The following COG6 variants were observed in gnomAD, a reference collection of about 807,000 sequenced individuals.
COG6 encodes the protein component of oligomeric golgi complex 6, also known as conserved oligomeric Golgi complex subunit 6.
In COG6, 74 loss-of-function variants were observed where a neutral mutation model predicts 88.8. That is an observed-to-expected ratio of 0.83 (90% CI 0.69 to 1.01). The LOEUF (loss-of-function observed/expected upper bound fraction) is 1.01. Among genes scored for constraint, COG6 ranks in the 50% least tolerant of loss-of-function variants. COG6 has a pLI of 0.00. For synonymous variants in COG6, 286 were observed against 278.7 expected (o/e 1.03, Z -0.26); for missense variants, 800 against 797.9 (o/e 1.00, Z -0.03).
chr13:39,661,339 A>C (rs180996783), intron 3 of COG6, among the ~76,000 whole-genome samples: 6 of 152,346 alleles, frequency 3.9e-5, no homozygotes, highest in Admixed American at 3.3e-4. Context: ...GTTTGGTAGC[A>C]GAATCAGCAT....
At chr13:39,738,894 T>C (rs1265210835) in intron 18 of COG6, among the ~76,000 whole-genome samples, 1 of 152,102 alleles carries the variant, frequency 6.6e-6, no homozygotes, top group Admixed American at 6.5e-5. Context: ...AATATAAGCT[T>C]ACAGGATTGA....
chr13:39,655,706 G>GC lies in COG6; in HGVS notation c.-21_-20insC, dbSNP rs746938820. On this transcript the variant is annotated 5_prime_UTR_variant, in exon 1 of 19. Coordinates refer to ENST00000455146, the MANE Select transcript of COG6 (RefSeq NM_020751.3). ...TCCCTGCCTGGCTGAGGTGGCAGCAGGGGGCGGGACGCGCAGCGCTATGGC... is the reference window on the plus strand; with the variant it reads ...TCCCTGCCTGGCTGAGGTGGCAGCAGCGGGGCGGGACGCGCAGCGCTATGGC... The GC allele has an allele frequency of 2.4e-4, 361 of 1,486,174 alleles. 1 individual carries two copies. The East Asian group carries it at 6.2e-3, about 26-fold the overall frequency. 92.1% of individuals were successfully genotyped at this position (1,486,174 alleles called of 1,614,324 possible).
intron 17 of COG6, among the ~76,000 whole-genome samples, chr13:39,726,027 G>C (rs976613577): frequency 6.6e-6 from 1 of 151,712 alleles, no homozygotes; most frequent in African/African-American, 2.4e-5. Context: ...CATGTTCCTG[G>C]TGTTAATTTT....
chr13:39,727,613 T>C, intron 18 of COG6, 65 bp downstream of exon 18: 2 of 1,193,018 alleles, frequency 1.7e-6, no homozygotes, highest in Non-Finnish European at 2.5e-6. Context: ...AAGTACATTT[T>C]TTTGGAAAAA....
At chr13:39,706,254 T>TA (rs1277254793) in intron 13 of COG6, among the ~76,000 whole-genome samples, 1 of 29,058 alleles carries the variant, frequency 3.4e-5, no homozygotes, top group East Asian at 1.5e-3. Flanking sequence ...TATATACTCC[T>TA]TTATATATAT....
intron 18 of COG6, among the ~76,000 whole-genome samples, chr13:39,739,325 C>T (rs3000479): frequency 2.0e-4 from 31 of 151,934 alleles, no homozygotes; most frequent in African/African-American, 5.8e-4. Context: ...GTTTAGATTT[C>T]AAAAAAAAGC....
chr13:39,671,873 C>G (rs1025363420), intron 4 of COG6, among the ~76,000 whole-genome samples: 6 of 151,920 alleles, frequency 3.9e-5, no homozygotes, highest in Non-Finnish European at 7.4e-5. Context: ...TCTTTGTACT[C>G]CCACAACACA....
intron 7 of COG6, 25 bp from the exon 8 acceptor site, chr13:39,682,146 A>C: frequency 6.6e-7 from 1 of 1,520,550 alleles, no homozygotes; most frequent in East Asian, 2.3e-5. Context: ...ATTTAACAAA[A>C]GTTATAATGT....
intron 4 of COG6, among the ~76,000 whole-genome samples, chr13:39,675,283 G>A (rs1033445286): frequency 2.6e-5 from 4 of 152,140 alleles, no homozygotes; most frequent in South Asian, 2.1e-4. Context: ...TATCACACTC[G>A]TCTCTGGCAT....
intron 3 of COG6, among the ~76,000 whole-genome samples, chr13:39,661,706 A>G (rs1487121967): frequency 2.6e-5 from 4 of 151,596 alleles, no homozygotes; most frequent in Non-Finnish European, 5.9e-5. Context: ...TGTTAATTTG[A>G]CAATATTTAA....
At chr13:39,698,472 C>T (rs548105552) in intron 12 of COG6, among the ~76,000 whole-genome samples, 2 of 151,890 alleles carry the variant, frequency 1.3e-5, no homozygotes, top group African/African-American at 2.4e-5. Context: ...TATATATATG[C>T]ACTTTACTAA....
chr13:39,741,103 A>T (rs1880019209), intron 18 of COG6, among the ~76,000 whole-genome samples: 1 of 152,224 alleles, frequency 6.6e-6, no homozygotes, highest in Non-Finnish European at 1.5e-5. Context: ...ATCTCAGTTC[A>T]GTTTTAAATA....
chr13:39,755,368 G>C (rs1463855139), downstream of COG6, among the ~76,000 whole-genome samples: 4 of 152,030 alleles, frequency 2.6e-5, no homozygotes, highest in African/African-American at 9.7e-5. Context: ...CTGTCTGATA[G>C]CTCCCAGGAA....
exon 19 of COG6, chr13:39,791,147 A>G (rs549311824): frequency 6.6e-6 from 1 of 152,226 alleles, no homozygotes; most frequent in South Asian, 2.1e-4. Flanking sequence ...ACATACATAC[A>G]TACAAACAGA....
At position 39,655,930 on chromosome 13, in the gene COG6, G is replaced by A. The variant is rs756325169; in HGVS notation, c.153+51G>A. 2.0e-5 allele frequency: 32 copies of A among 1,569,710 alleles called. 1 individual carries two copies. The South Asian group carries it at 3.3e-4, about 16-fold the overall frequency. Reference sequence around the variant, plus strand: ...TCACAGGTTCCTGCGGGGCTGAGCCGGGCCAGGGGCGGCGTCTGTCAGGGA... The same window carrying A: ...TCACAGGTTCCTGCGGGGCTGAGCCAGGCCAGGGGCGGCGTCTGTCAGGGA... On this transcript the variant is annotated intron_variant, in intron 1 of 18. Transcript: ENST00000455146.
intron 18 of COG6, among the ~76,000 whole-genome samples, chr13:39,744,461 C>T (rs1411179491): frequency 2.0e-5 from 3 of 152,120 alleles, no homozygotes; most frequent in Non-Finnish European, 4.4e-5. Context: ...ACACCAATAA[C>T]AGACAAACAG....
At chr13:39,768,161 A>C (rs1269139673) in intron 18 of COG6, among the ~76,000 whole-genome samples, 1 of 152,230 alleles carries the variant, frequency 6.6e-6, no homozygotes, top group Non-Finnish European at 1.5e-5. Context: ...AATGAGATTT[A>C]GTAACCCATT....
chr13:39,734,971 C>CT (rs1411690325), intron 18 of COG6, among the ~76,000 whole-genome samples: 2 of 151,674 alleles, frequency 1.3e-5, no homozygotes, highest in East Asian at 3.9e-4. Context: ...TTCTATCTCT[C>CT]TTTTTTTCAG....
At chr13:39,780,313 A>G (rs562205461) in intron 18 of COG6, among the ~76,000 whole-genome samples, 1 of 152,336 alleles carries the variant, frequency 6.6e-6, no homozygotes, top group East Asian at 1.9e-4. Flanking sequence ...TTGCTTTTGA[A>G]TATATAAAGC....
Sources: gnomAD v4.1 joint callset for allele counts (sites outside exome capture counted in the v4.1 genomes callset) on GRCh38, gnomAD v4.1.1 for gene constraint, MANE v1.5 for transcripts, NCBI Gene and HGNC (gene_info 2026-07-23, HGNC 2026-07-21) for gene names.